The following FKTN variants were observed in gnomAD, a reference collection of about 807,000 sequenced individuals.
FKTN encodes the protein ribitol-5-phosphate transferase FKTN.
FKTN carries 47 observed loss-of-function variants against 58.6 expected under a neutral mutation model. The observed-to-expected ratio is 0.80, with a 90% CI of 0.63 to 1.02. The LOEUF (loss-of-function observed/expected upper bound fraction) is 1.02. Among genes scored for constraint, FKTN ranks in the 50% least tolerant of loss-of-function variants. FKTN has a pLI of 0.00. For synonymous variants in FKTN, 178 were observed against 191.9 expected (o/e 0.93, Z 0.60); for missense variants, 516 against 537.3 (o/e 0.96, Z 0.39).
chr9:105,586,562 A>G (rs763105158), intron 3 of FKTN, among the ~76,000 whole-genome samples: 1 of 152,340 alleles, frequency 6.6e-6, no homozygotes. Context: ...AGATAAATAG[A>G]ACACAGGCCC....
intron 3 of FKTN, among the ~76,000 whole-genome samples, chr9:105,576,146 T>TTTTC (rs1491208326): frequency 1.1e-5 from 1 of 88,960 alleles, no homozygotes; most frequent in Non-Finnish European, 2.3e-5. Flanking sequence ...GAAACTTTTC[T>TTTTC]TTTTTTTTTT....
chr9:105,599,774 G>A (rs1489900004), intron 4 of FKTN, among the ~76,000 whole-genome samples: 2 of 152,160 alleles, frequency 1.3e-5, no homozygotes, highest in East Asian at 3.9e-4. Context: ...ACAGTGCTGG[G>A]ATTACAGGCG....
chr9:105,599,222 T>C (rs944102917), intron 4 of FKTN, among the ~76,000 whole-genome samples: 1 of 152,234 alleles, frequency 6.6e-6, no homozygotes. Flanking sequence ...AAATGCTTTT[T>C]TCTATATTGA....
intron 4 of FKTN, chr9:105,598,120 T>G (rs774824434): frequency 1.5e-5 from 7 of 468,804 alleles, no homozygotes; most frequent in Non-Finnish European, 3.1e-5. Flanking sequence ...ATAATGGATT[T>G]TTTTCAAAGT....
intron 10 of FKTN, among the ~76,000 whole-genome samples, chr9:105,631,148 A>C (rs910235375): frequency 2.6e-5 from 4 of 152,154 alleles, no homozygotes; most frequent in African/African-American, 9.7e-5. Flanking sequence ...CAAACAAAAA[A>C]ATCTGAAATT....
intron 3 of FKTN, among the ~76,000 whole-genome samples, chr9:105,579,549 G>C (rs932622741): frequency 2.6e-5 from 4 of 151,418 alleles, no homozygotes; most frequent in Non-Finnish European, 4.4e-5. Flanking sequence ...TATAATTTGT[G>C]TTCTTTTACA....
chr9:105,634,824 T>C (rs2133447304), intron 10 of FKTN, among the ~76,000 whole-genome samples: 1 of 152,308 alleles, frequency 6.6e-6, no homozygotes, highest in Admixed American at 6.5e-5. Flanking sequence ...GCCTGAGTCT[T>C]AGTGATGGGG....
intron 7 of FKTN, 94 bp from the exon 8 acceptor site, chr9:105,615,184 T>A: frequency 2.2e-6 from 3 of 1,372,200 alleles, no homozygotes; most frequent in Non-Finnish European, 2.1e-6. Flanking sequence ...GTGCCCAGCC[T>A]GGGGTTAATT....
At chr9:105,581,540 G>A (rs1167049562) in intron 3 of FKTN, among the ~76,000 whole-genome samples, 1 of 151,532 alleles carries the variant, frequency 6.6e-6, no homozygotes, top group Non-Finnish European at 1.5e-5. Context: ...ATCTCCAGCT[G>A]CGTGCTGGGA....
chr9:105,620,042 A>T lies in FKTN; in HGVS notation c.1153A>T (p.Lys385Ter), dbSNP rs1588222602. ...DHMWNGGTQAKTGKKFKYLFP... is the reference protein window; with the variant it reads ...DHMWNGGTQA ...CATGTGGAATGGAGGCACTCAGGCC[A>T]AAACAGGAAAAAAATTCAAGTATGA... Residue 385 changes from lysine to a stop codon, truncating the protein, a stop_gained, in exon 10 of 11, where the codon AAA becomes TAA. Coordinates refer to ENST00000357998, the MANE Select transcript of FKTN (RefSeq NM_001079802.2). LOFTEE classifies it high-confidence loss of function. The T allele has an allele frequency of 2.5e-6, 4 of 1,612,296 alleles. No individual in the cohort carries two copies. Among genetic ancestry groups the T allele is most frequent in the Non-Finnish European group, 3.4e-6 (4 of 1,178,658 alleles).
intron 1 of FKTN, among the ~76,000 whole-genome samples, chr9:105,572,230 G>A (rs1305679237): frequency 4.8e-5 from 7 of 146,222 alleles, no homozygotes; most frequent in African/African-American, 1.8e-4. Flanking sequence ...TCTTGAGACT[G>A]TATATATATA....
intron 8 of FKTN, among the ~76,000 whole-genome samples, chr9:105,616,112 A>G (rs751991983): frequency 2.0e-5 from 3 of 152,196 alleles, no homozygotes; most frequent in Non-Finnish European, 4.4e-5. Flanking sequence ...TGAATTGTTT[A>G]TTTCTGGAAT....
chr9:105,623,720 C>A (rs990766309), intron 10 of FKTN, among the ~76,000 whole-genome samples: 1 of 152,156 alleles, frequency 6.6e-6, no homozygotes, highest in South Asian at 2.1e-4. Flanking sequence ...ACTGATGTGA[C>A]TGTAACTTAG....
In FKTN at chr9:105,639,531, G is replaced by A; in HGVS notation, c.*4267G>A. 7 of 954,092 alleles carry A rather than the reference G, an allele frequency of 7.3e-6. No individual in the cohort carries two copies. Among genetic ancestry groups the A allele is most frequent in the South Asian group, 4.9e-5 (1 of 20,612 alleles). 59.1% of individuals were successfully genotyped at this position (954,092 alleles called of 1,614,324 possible). On this transcript the variant is annotated 3_prime_UTR_variant, in exon 11 of 11. Coordinates refer to ENST00000357998, the MANE Select transcript of FKTN (RefSeq NM_001079802.2). ...AGGATTAAGTAAGTACTCAAGAAAT[G>A]TGCAATTTTCTAGTTCCATGTTTCT...
At chr9:105,570,678 A>G (rs1349824416) in intron 1 of FKTN, among the ~76,000 whole-genome samples, 4 of 152,044 alleles carry the variant, frequency 2.6e-5, no homozygotes, top group Non-Finnish European at 2.9e-5. Context: ...TTGTCATTTT[A>G]TCTCTAGTGC....
chr9:105,631,105 C>G (rs148571590), intron 10 of FKTN, among the ~76,000 whole-genome samples: 3 of 152,194 alleles, frequency 2.0e-5, no homozygotes, highest in African/African-American at 7.2e-5. Flanking sequence ...TGTACTCCAG[C>G]CTGGGTGACA....
chr9:105,578,012 T>C (rs1359274007), intron 3 of FKTN, among the ~76,000 whole-genome samples: 2 of 152,064 alleles, frequency 1.3e-5, no homozygotes, highest in Non-Finnish European at 2.9e-5. Flanking sequence ...TTTTTGCACA[T>C]TGATTTTGTA....
At chr9:105,595,019 T>A (rs1030239399) in intron 3 of FKTN, among the ~76,000 whole-genome samples, 2 of 152,202 alleles carry the variant, frequency 1.3e-5, no homozygotes, top group African/African-American at 4.8e-5. Flanking sequence ...AATGAAGTAC[T>A]GATACATGCC....
chr9:105,560,406 A>G (rs1407014041), intron 1 of FKTN, among the ~76,000 whole-genome samples: 1 of 152,230 alleles, frequency 6.6e-6, no homozygotes, highest in Admixed American at 6.5e-5. Context: ...TTAAGTGACA[A>G]GAATCTAGAT....
Sources: gnomAD v4.1 joint callset for allele counts (sites outside exome capture counted in the v4.1 genomes callset) on GRCh38, gnomAD v4.1.1 for gene constraint, MANE v1.5 for transcripts, NCBI Gene and HGNC (gene_info 2026-07-23, HGNC 2026-07-21) for gene names.